RBFOX1: variants seen among roughly 807,000 people sequenced by gnomAD.
The protein encoded by RBFOX1 is RNA binding protein fox-1 homolog 1.
In RBFOX1, 8 loss-of-function variants were observed where a neutral mutation model predicts 57.7. The ratio of observed to expected loss-of-function variants is 0.14; its 90% CI spans 0.08 to 0.25. The LOEUF (loss-of-function observed/expected upper bound fraction) is 0.25. Ranked by LOEUF, RBFOX1 falls within the 10% of genes least tolerant of loss-of-function variation. The pLI is 1.00. For synonymous variants in RBFOX1, 326 were observed against 222.4 expected (o/e 1.47, Z -4.15); for missense variants, 611 against 548.5 (o/e 1.11, Z -1.14).
chr16:5,888,650 C>T (rs1199446330), intron 4 of RBFOX1, among the ~76,000 whole-genome samples: 3 of 151,994 alleles, frequency 2.0e-5, no homozygotes, highest in African/African-American at 7.2e-5. Flanking sequence ...ACAAAATCAG[C>T]AGGGTGTGGT....
intron 1 of RBFOX1, among the ~76,000 whole-genome samples, chr16:6,144,811 ACATT>A (rs1381358373): frequency 6.6e-6 from 1 of 152,198 alleles, no homozygotes; most frequent in Non-Finnish European, 1.5e-5. Context: ...TTGATGCTTG[ACATT>A]TGACTTCACA....
chr16:6,256,990 G>T (rs1015133473), intron 1 of RBFOX1, among the ~76,000 whole-genome samples: 2 of 152,166 alleles, frequency 1.3e-5, no homozygotes, highest in Non-Finnish European at 2.9e-5. Flanking sequence ...ATGAGTAGAT[G>T]TGAGATTTGT....
chr16:7,121,027 A>G (rs973496266), intron 4 of RBFOX1, among the ~76,000 whole-genome samples: 27 of 152,118 alleles, frequency 1.8e-4, no homozygotes, highest in Non-Finnish European at 3.4e-4. Context: ...ACCCTGTAAA[A>G]TAGTCCTGAA....
intron 3 of RBFOX1, among the ~76,000 whole-genome samples, chr16:5,771,437 C>G (rs1020963168): frequency 2.0e-5 from 3 of 152,192 alleles, no homozygotes; most frequent in African/African-American, 7.2e-5. Flanking sequence ...GAGGTGGAGT[C>G]TCCCTCCGTA....
chr16:6,832,861 C>A (rs566368836), intron 3 of RBFOX1, among the ~76,000 whole-genome samples: 1 of 152,178 alleles, frequency 6.6e-6, no homozygotes, highest in African/African-American at 2.4e-5. Context: ...CGTATCAAAG[C>A]CTGTGCTAGA....
intron 14 of RBFOX1, among the ~76,000 whole-genome samples, chr16:7,707,500 C>A (rs1048477056): frequency 6.6e-6 from 1 of 152,146 alleles, no homozygotes; most frequent in Non-Finnish European, 1.5e-5. Context: ...TTCCACCAGC[C>A]TTGTTCCTTC....
intron 5 of RBFOX1, among the ~76,000 whole-genome samples, chr16:7,559,246 T>C (rs1439739770): frequency 6.6e-6 from 1 of 152,218 alleles, no homozygotes; most frequent in East Asian, 1.9e-4. Context: ...TCCATCAGAA[T>C]GTTATATCTG....
At chr16:7,145,822 C>T (rs947842856) in intron 4 of RBFOX1, among the ~76,000 whole-genome samples, 3 of 152,214 alleles carry the variant, frequency 2.0e-5, no homozygotes, top group African/African-American at 7.2e-5. Flanking sequence ...CGCACACACA[C>T]TACTTCTCCA....
intron 4 of RBFOX1, among the ~76,000 whole-genome samples, chr16:7,226,164 T>C (rs1230132165): frequency 1.3e-5 from 2 of 152,138 alleles, no homozygotes; most frequent in African/African-American, 4.8e-5. Context: ...TCATGAAAGG[T>C]AACATCCCAG....
chr16:6,603,795 T>G (rs951505498), intron 2 of RBFOX1, among the ~76,000 whole-genome samples: 1 of 152,198 alleles, frequency 6.6e-6, no homozygotes. Flanking sequence ...GCTGCCTTTT[T>G]TATTTCTCGT....
chr16:6,188,868 G>C (rs2097124305), intron 1 of RBFOX1, among the ~76,000 whole-genome samples: 1 of 151,120 alleles, frequency 6.6e-6, no homozygotes, highest in Non-Finnish European at 1.5e-5. Flanking sequence ...GCCAAAAGTA[G>C]TAGTGGACTA....
intron 2 of RBFOX1, among the ~76,000 whole-genome samples, chr16:5,597,230 C>G (rs553005555): frequency 6.8e-6 from 1 of 146,338 alleles, no homozygotes; most frequent in East Asian, 2.0e-4. Flanking sequence ...ATACACCTCT[C>G]CTTCCCACCC....
At chr16:6,913,948 T>C (rs552284830) in intron 3 of RBFOX1, among the ~76,000 whole-genome samples, 30 of 152,308 alleles carry the variant, frequency 2.0e-4, no homozygotes, top group Middle Eastern at 6.8e-3. Flanking sequence ...GATATTATAA[T>C]TATGGATGAT....
intron 12 of RBFOX1, among the ~76,000 whole-genome samples, chr16:7,662,314 A>G (rs1382975109): frequency 6.6e-6 from 1 of 152,204 alleles, no homozygotes; most frequent in East Asian, 1.9e-4. Flanking sequence ...CTCCTAATTC[A>G]GGTTCGAGTC....
Position 5,401,437 on chromosome 16 carries a change from T to G in RBFOX1, c.220-65779T>G, listed in dbSNP as rs1199311334. The stretch of plus-strand genomic sequence containing the variant: ...GACTTGGTTTGCCCATCAGGTCTTA[T>G]GCCATTAATGTGCTGGAACAACTGC... On this transcript the variant is annotated intron_variant, in intron 1 of 2. Coordinates refer to the RBFOX1 transcript ENST00000585867. 3.9e-5 allele frequency among the ~76,000 whole-genome samples: 6 copies of G among 152,200 alleles called. No individual in the cohort carries two copies. The East Asian group carries it at 1.2e-3, about 29-fold the overall frequency.
chr16:7,147,389 G>T (rs920539479), intron 4 of RBFOX1, among the ~76,000 whole-genome samples: 7 of 151,950 alleles, frequency 4.6e-5, no homozygotes, highest in South Asian at 4.2e-4. Flanking sequence ...GCATGTTCCT[G>T]AAGTTTGGTA....
At chr16:7,373,238 T>G (rs888965432) in intron 4 of RBFOX1, among the ~76,000 whole-genome samples, 1 of 152,120 alleles carries the variant, frequency 6.6e-6, no homozygotes, top group Non-Finnish European at 1.5e-5. Flanking sequence ...TGGCTGAAAT[T>G]GCATTACTTT....
At chr16:7,543,443 C>A (rs550088390) in intron 5 of RBFOX1, among the ~76,000 whole-genome samples, 1 of 152,144 alleles carries the variant, frequency 6.6e-6, no homozygotes, top group Non-Finnish European at 1.5e-5. Context: ...GGGTTCTAGG[C>A]ACCTGTCCCT....
intron 1 of RBFOX1, among the ~76,000 whole-genome samples, chr16:5,437,663 G>A (rs2067957562): frequency 6.6e-6 from 1 of 152,202 alleles, no homozygotes; most frequent in Admixed American, 6.5e-5. Flanking sequence ...TATTACATAT[G>A]TAGTGTAAAT....
Sources: allele counts gnomAD v4.1 joint callset (sites outside exome capture counted in the v4.1 genomes callset), GRCh38; gene constraint gnomAD v4.1.1; transcripts MANE v1.5; gene names NCBI Gene and HGNC (gene_info 2026-07-23, HGNC 2026-07-21).